The following CNOT2 variants were observed in gnomAD, a reference collection of about 807,000 sequenced individuals.
CNOT2 encodes CCR4-NOT transcription complex subunit 2.
In CNOT2, 7 loss-of-function variants were observed where a neutral mutation model predicts 72.1. That is an observed-to-expected ratio of 0.10 (90% CI 0.06 to 0.18). The LOEUF is 0.18. Among genes scored for constraint, CNOT2 ranks in the 10% least tolerant of loss-of-function variants. The probability of loss-of-function intolerance (pLI) is 1.00; values close to 1 mark genes in which losing one functional copy is unlikely to be tolerated. For missense variants in CNOT2, 345 were observed against 660.3 expected (o/e 0.52, Z 5.23); for synonymous variants, 196 against 225.6 (o/e 0.87, Z 1.17).
intron 1 of CNOT2, among the ~76,000 whole-genome samples, chr12:70,271,831 C>T (rs1959275309): frequency 6.6e-6 from 1 of 152,156 alleles, no homozygotes; most frequent in South Asian, 2.1e-4. Flanking sequence ...AAAGATTCTG[C>T]TATTTATTTG....
Position 70,294,315 on chromosome 12 carries a change from GC to G in CNOT2, c.48+16043del, listed in dbSNP as rs889583195. On this transcript the variant is annotated intron_variant, in intron 2 of 15. Coordinates refer to ENST00000229195, the MANE Select transcript of CNOT2 (RefSeq NM_014515.7). ...CACAGGTAAGTATGTGGTGGGGAAAGCCGGGGGAAAAATGGTACTGTCATCA... is the reference window on the plus strand; with the variant it reads ...CACAGGTAAGTATGTGGTGGGGAAAGCGGGGGAAAAATGGTACTGTCATCA... 9.3e-6 allele frequency: 12 copies of G among 1,288,136 alleles called. No individual in the cohort carries two copies. The African/African-American group carries it at 1.7e-4, about 18-fold the overall frequency. 79.8% of individuals were successfully genotyped at this position (1,288,136 alleles called of 1,614,324 possible).
At chr12:70,256,121 A>G (rs1958425567) in intron 1 of CNOT2, among the ~76,000 whole-genome samples, 1 of 152,190 alleles carries the variant, frequency 6.6e-6, no homozygotes, top group Non-Finnish European at 1.5e-5. Context: ...AGAATAATTT[A>G]TATCCTAAGC....
chr12:70,324,622 A>ACAG (rs991511068), intron 4 of CNOT2, among the ~76,000 whole-genome samples: 1 of 151,864 alleles, frequency 6.6e-6, no homozygotes, highest in Non-Finnish European at 1.5e-5. Context: ...CAGCTATTCC[A>ACAG]CAGGTAAAGA....
chr12:70,246,910 G>T (rs1957900507), intron 1 of CNOT2, among the ~76,000 whole-genome samples: 1 of 152,014 alleles, frequency 6.6e-6, no homozygotes, highest in Admixed American at 6.5e-5. Context: ...GGTATCTGTT[G>T]GTATATCCCT....
At chr12:70,284,104 G>T (rs1870427515) in intron 2 of CNOT2, among the ~76,000 whole-genome samples, 1 of 151,612 alleles carries the variant, frequency 6.6e-6, no homozygotes, top group Admixed American at 6.6e-5. Context: ...ACCATGCCCA[G>T]CTAATTGTGT....
At chr12:70,307,848 T>A (rs1565795544) in intron 2 of CNOT2, 1 of 152,106 alleles carries the variant, frequency 6.6e-6, no homozygotes, top group Non-Finnish European at 1.5e-5. Flanking sequence ...ATTTTCCTGC[T>A]TTCGTTTTAT....
intron 9 of CNOT2, 130 bp from the exon 10 acceptor site, chr12:70,338,313 T>C: frequency 2.7e-6 from 2 of 747,554 alleles, no homozygotes; most frequent in Non-Finnish European, 4.2e-6. Flanking sequence ...TCTATAGAAC[T>C]TGAAAAACAG....
At chr12:70,244,944 G>A (rs190880010) in intron 1 of CNOT2, among the ~76,000 whole-genome samples, 92 of 152,304 alleles carry the variant, frequency 6.0e-4, no homozygotes, top group African/African-American at 2.1e-3. Context: ...AATAAAGTAT[G>A]GGGTGAGGGA....
At chr12:70,341,797 GA>G (rs1401546065) in intron 11 of CNOT2, among the ~76,000 whole-genome samples, 34 of 152,282 alleles carry the variant, frequency 2.2e-4, no homozygotes, top group African/African-American at 7.9e-4. Context: ...TGGTATTGAA[GA>G]ATTTAAAGCA....
intron 2 of CNOT2, among the ~76,000 whole-genome samples, chr12:70,280,380 T>C (rs1869619018): frequency 6.6e-6 from 1 of 152,118 alleles, no homozygotes. Context: ...AAGAAGGTAT[T>C]GTATATTTCA....
chr12:70,312,478 A>G (rs539675502), intron 3 of CNOT2, among the ~76,000 whole-genome samples: 1 of 151,848 alleles, frequency 6.6e-6, no homozygotes, highest in Non-Finnish European at 1.5e-5. Flanking sequence ...ACAAAGAGAT[A>G]TATGTCTTCT....
chr12:70,354,246 T>TA lies in CNOT2; in HGVS notation c.*337dup. ...GAAGTTTACCATAGTTTCTAAAATG[T>TA]AAAAAAGAAAACCCCCAAAAGACTC... On this transcript the variant is annotated 3_prime_UTR_variant, in exon 16 of 16. Transcript: ENST00000229195. 3.8e-6 allele frequency: 1 copy of TA among 264,610 alleles called. No individual in the cohort carries two copies. Among genetic ancestry groups the TA allele is most frequent in the East Asian group, 7.7e-5 (1 of 13,054 alleles). The allele number at this position is 264,610 out of a possible 1,614,324, so 16.4% of individuals were successfully genotyped here.
intron 2 of CNOT2, among the ~76,000 whole-genome samples, chr12:70,291,067 G>C (rs1351717810): frequency 6.6e-6 from 1 of 152,104 alleles, no homozygotes. Flanking sequence ...AATTGTCATA[G>C]TCCTGATTCA....
chr12:70,246,522 G>A (rs1264296482), intron 1 of CNOT2, among the ~76,000 whole-genome samples: 1 of 152,170 alleles, frequency 6.6e-6, no homozygotes, highest in Non-Finnish European at 1.5e-5. Context: ...AAGAGATCTA[G>A]TGCTATGGTA....
intron 1 of CNOT2, among the ~76,000 whole-genome samples, chr12:70,245,082 A>G (rs1957813883): frequency 6.6e-6 from 1 of 152,204 alleles, no homozygotes; most frequent in Non-Finnish European, 1.5e-5. Context: ...TAAGGTAACT[A>G]TTGCAGATTG....
intron 13 of CNOT2, 117 bp from the exon 14 acceptor site, chr12:70,344,011 T>A: frequency 1.7e-6 from 1 of 591,556 alleles, no homozygotes; most frequent in Non-Finnish European, 3.0e-6. Context: ...AACAGTTATC[T>A]ACTACAAAGT....
intron 1 of CNOT2, among the ~76,000 whole-genome samples, chr12:70,261,819 C>A (rs1386646861): frequency 6.6e-6 from 1 of 151,018 alleles, no homozygotes; most frequent in Admixed American, 6.6e-5. Flanking sequence ...ACCAGTGAAG[C>A]TGCCTGGGCC....
chr12:70,252,506 T>C (rs1161794529), intron 1 of CNOT2, among the ~76,000 whole-genome samples: 1 of 152,218 alleles, frequency 6.6e-6, no homozygotes, highest in Non-Finnish European at 1.5e-5. Context: ...TATACTATTT[T>C]ATCATAACAA....
At chr12:70,251,593 A>G (rs971537008) in intron 1 of CNOT2, among the ~76,000 whole-genome samples, 2 of 152,216 alleles carry the variant, frequency 1.3e-5, no homozygotes, top group Admixed American at 6.5e-5. Context: ...GTTTCAGGGG[A>G]AAGTTTAGAT....
Sources: allele counts gnomAD v4.1 joint callset (sites outside exome capture counted in the v4.1 genomes callset), GRCh38; gene constraint gnomAD v4.1.1; transcripts MANE v1.5; gene names NCBI Gene and HGNC (gene_info 2026-07-23, HGNC 2026-07-21).